The following FSTL5 variants were observed in gnomAD, a reference collection of about 807,000 sequenced individuals.
The protein encoded by FSTL5 is follistatin-related protein 5.
Under a neutral mutation model 89.1 loss-of-function variants are expected in FSTL5, and 62 were observed. That is an observed-to-expected ratio of 0.70 (90% CI 0.57 to 0.86). FSTL5 has a LOEUF of 0.86. FSTL5 is among the 40% of genes least tolerant of loss of function. FSTL5 has a pLI of 0.00. For missense variants in FSTL5, 1,057 were observed against 1,001.6 expected (o/e 1.06, Z -0.75); for synonymous variants, 383 against 346.2 (o/e 1.11, Z -1.18).
In FSTL5 at chr4:161,784,905, AAC is replaced by A. The variant is rs1186309694; in HGVS notation, c.410-8833_410-8832del. On this transcript the variant is annotated intron_variant, in intron 4 of 15. Transcript: ENST00000306100. ...AAGACTCCGTCTCAAAAAAAACAAA[AAC>A]AAACAAACAAAAAAAAGAAGATATG... Among the ~76,000 whole-genome samples the A allele has an allele frequency of 2.7e-5, 4 of 149,124 alleles. 1 individual carries two copies. The East Asian group carries it at 7.9e-4, about 29-fold the overall frequency.
At chr4:161,496,393 T>C (rs1730069863) in intron 12 of FSTL5, among the ~76,000 whole-genome samples, 1 of 152,142 alleles carries the variant, frequency 6.6e-6, no homozygotes, top group Non-Finnish European at 1.5e-5. Context: ...TGTGAGGTGA[T>C]TAGCATTTAT....
At chr4:161,882,642 A>C (rs1467910792) in intron 4 of FSTL5, among the ~76,000 whole-genome samples, 8 of 152,184 alleles carry the variant, frequency 5.3e-5, no homozygotes, top group Non-Finnish European at 1.5e-5. Flanking sequence ...AGGATGACTA[A>C]GGATAATACA....
intron 13 of FSTL5, 55 bp from the exon 14 acceptor site, chr4:161,459,374 C>G: frequency 9.6e-7 from 1 of 1,037,462 alleles, no homozygotes; most frequent in South Asian, 1.4e-5. Context: ...TAGTTTAAAG[C>G]TAGGCCAGAA....
chr4:161,407,819 T>C (rs1406966731), intron 15 of FSTL5, among the ~76,000 whole-genome samples: 1 of 152,178 alleles, frequency 6.6e-6, no homozygotes, highest in Non-Finnish European at 1.5e-5. Context: ...CAGCCTCCAC[T>C]GCCCAGCCTG....
At chr4:161,872,128 G>GTTTTTTTGTTTGTTTTTTTTTTTTTTTT (rs1732282226) in intron 4 of FSTL5, among the ~76,000 whole-genome samples, 2 of 64,150 alleles carry the variant, frequency 3.1e-5, no homozygotes, top group Non-Finnish European at 3.4e-5. Context: ...TTTGTAGTTT[G>GTTTTTTTGTTTGTTTTTTTTTTTTTTTT]TTTTTTTTTT....
chr4:161,793,793 G>C (rs1037202955), intron 4 of FSTL5, among the ~76,000 whole-genome samples: 15 of 151,992 alleles, frequency 9.9e-5, no homozygotes, highest in African/African-American at 3.6e-4. Context: ...ATTTTTAGTA[G>C]AGACAGGGTT....
chr4:161,560,988 T>C (rs1263652221), intron 8 of FSTL5, among the ~76,000 whole-genome samples: 1 of 151,974 alleles, frequency 6.6e-6, no homozygotes, highest in Non-Finnish European at 1.5e-5. Flanking sequence ...TGCCATACAT[T>C]TGTATTACTG....
chr4:161,738,051 G>T (rs1739882172), intron 6 of FSTL5, among the ~76,000 whole-genome samples: 1 of 151,828 alleles, frequency 6.6e-6, no homozygotes, highest in Non-Finnish European at 1.5e-5. Context: ...TGTTTTTTCC[G>T]AGTGATTATA....
chr4:161,847,401 G>A (rs1029188395), intron 4 of FSTL5, among the ~76,000 whole-genome samples: 2 of 152,120 alleles, frequency 1.3e-5, no homozygotes, highest in African/African-American at 2.4e-5. Flanking sequence ...TTTTACAGAT[G>A]AGAAAGCATA....
chr4:162,078,097 G>A (rs974140069), intron 2 of FSTL5, among the ~76,000 whole-genome samples: 4 of 151,822 alleles, frequency 2.6e-5, no homozygotes, highest in Non-Finnish European at 5.9e-5. Context: ...CCAATTCCTA[G>A]GGCAGGTTGA....
chr4:161,661,185 CT>C (rs2126687184), intron 6 of FSTL5, among the ~76,000 whole-genome samples: 1 of 152,144 alleles, frequency 6.6e-6, no homozygotes, highest in East Asian at 1.9e-4. Flanking sequence ...CTAAAGATAT[CT>C]TTTAAAATCA....
chr4:161,436,237 C>T (rs1444987762), intron 15 of FSTL5, among the ~76,000 whole-genome samples: 1 of 152,192 alleles, frequency 6.6e-6, no homozygotes, highest in Admixed American at 6.5e-5. Flanking sequence ...AAGCACCCAA[C>T]TACTCATGGT....
intron 4 of FSTL5, among the ~76,000 whole-genome samples, chr4:161,785,911 ATGCTTT>A (rs1741888452): frequency 1.3e-5 from 2 of 152,086 alleles, no homozygotes; most frequent in South Asian, 4.1e-4. Context: ...TATCTCAGTC[ATGCTTT>A]GTCTCATTTA....
At chr4:161,781,070 C>A (rs1741648315) in intron 4 of FSTL5, among the ~76,000 whole-genome samples, 1 of 151,922 alleles carries the variant, frequency 6.6e-6, no homozygotes, top group Non-Finnish European at 1.5e-5. Context: ...AGAATAAATT[C>A]TATCTGTATA....
chr4:161,666,864 C>A (rs1736915510), intron 6 of FSTL5, among the ~76,000 whole-genome samples: 1 of 151,978 alleles, frequency 6.6e-6, no homozygotes, highest in African/African-American at 2.4e-5. Flanking sequence ...GCTACTAGGG[C>A]AAAATGGTAG....
intron 6 of FSTL5, among the ~76,000 whole-genome samples, chr4:161,689,186 T>C (rs977592027): frequency 1.3e-5 from 2 of 152,174 alleles, no homozygotes; most frequent in Non-Finnish European, 2.9e-5. Flanking sequence ...TTCACTTTCC[T>C]GGGATAGAAG....
chr4:161,694,498 A>G (rs906642309), intron 6 of FSTL5, among the ~76,000 whole-genome samples: 1 of 152,042 alleles, frequency 6.6e-6, no homozygotes. Context: ...ACTTATTCTT[A>G]CATCATACCC....
intron 7 of FSTL5, among the ~76,000 whole-genome samples, chr4:161,628,274 T>C (rs1329190559): frequency 6.6e-6 from 1 of 152,136 alleles, no homozygotes; most frequent in Non-Finnish European, 1.5e-5. Flanking sequence ...AATTGAAAAA[T>C]CTATAATCTC....
chr4:161,741,849 G>A (rs1466340454), intron 6 of FSTL5, among the ~76,000 whole-genome samples: 1 of 151,820 alleles, frequency 6.6e-6, no homozygotes, highest in South Asian at 2.1e-4. Context: ...TGCCACGCCA[G>A]GCTAATTTTT....
Sources: allele counts gnomAD v4.1 joint callset (sites outside exome capture counted in the v4.1 genomes callset), GRCh38; gene constraint gnomAD v4.1.1; transcripts MANE v1.5; gene names NCBI Gene and HGNC (gene_info 2026-07-23, HGNC 2026-07-21).